Variants in CBLN2 observed in about 807,000 individuals in gnomAD.
CBLN2 encodes cerebellin 2 precursor.
CBLN2 carries 7 observed loss-of-function variants against 15.0 expected under a neutral mutation model. The observed-to-expected ratio is 0.47, with a 90% CI of 0.27 to 0.88. CBLN2 has a LOEUF of 0.88. CBLN2 is among the 40% of genes least tolerant of loss of function. CBLN2 has a pLI of 0.14. For synonymous variants in CBLN2, 149 were observed against 135.2 expected (o/e 1.10, Z -0.71); for missense variants, 242 against 304.5 (o/e 0.79, Z 1.53).
Position 72,538,283 on chromosome 18 carries a change from GCAGCACGC to G in CBLN2, c.560_567del (p.Gly187AlafsTer14). On this transcript the variant is annotated frameshift_variant, in exon 5 of 5. Transcript: ENST00000269503. LOFTEE classifies it high-confidence loss of function. ...ACTTTGTCTTCCCTTTCCATGAGCA[GCAGCACGC>G]CATTGCTAGCAGCTTCTCTGGTGAC... 1 of 1,614,136 alleles carries G rather than the reference GCAGCACGC, an allele frequency of 6.2e-7. No homozygotes were observed. The highest frequency in any genetic ancestry group is 8.5e-7 in the Non-Finnish European group (1 of 1,180,030).
chr18:72,565,722 A>G (rs1408293080), intron 1 of CBLN2, among the ~76,000 whole-genome samples: 4 of 152,268 alleles, frequency 2.6e-5, no homozygotes, highest in Non-Finnish European at 4.4e-5. Context: ...AAAGAGGATG[A>G]GAGGTTCATG....
Position 72,576,121 on chromosome 18 carries a change from G to T in CBLN2, c.16-37349C>A, listed in dbSNP as rs372092611. On this transcript the variant is annotated intron_variant, in intron 1 of 2. Transcript: ENST00000581073. ...AAAACTAACATTAAACTAAAACTCC[G>T]CAGTTTGCACATTTACAACGGCAGG... is the stretch of plus-strand genomic sequence containing the variant. Among the ~76,000 whole-genome samples the T allele has an allele frequency of 2.0e-4, 31 of 152,254 alleles. 1 individual carries two copies. In the East Asian group the frequency reaches 5.0e-3, roughly 25 times the overall value.
chr18:72,568,112 C>T (rs1198036823), intron 1 of CBLN2, among the ~76,000 whole-genome samples: 2 of 152,022 alleles, frequency 1.3e-5, no homozygotes, highest in African/African-American at 4.8e-5. Flanking sequence ...CCGCTATATC[C>T]ATTATTCATT....
Position 72,537,981 on chromosome 18 carries a change from G to T in CBLN2, c.*195C>A, listed in dbSNP as rs1050856978. On this transcript the variant is annotated 3_prime_UTR_variant, in exon 5 of 5. Coordinates refer to ENST00000269503, the MANE Select transcript of CBLN2 (RefSeq NM_182511.4). Reference sequence around the variant, plus strand: ...TCATCTAAAACTAATTAGAGGCCAGGTTCCCGAGGAATTGTCAGTATTCCA... The same window carrying T: ...TCATCTAAAACTAATTAGAGGCCAGTTTCCCGAGGAATTGTCAGTATTCCA... The T allele has an allele frequency of 8.2e-6, 5 of 606,480 alleles. No homozygotes were observed. Among genetic ancestry groups the T allele is most frequent in the East Asian group, 2.8e-5 (1 of 36,118 alleles). The allele number at this position is 606,480 out of a possible 1,614,324, so 37.6% of individuals were successfully genotyped here.
chr18:72,574,770 A>T (rs1319921252), intron 1 of CBLN2, among the ~76,000 whole-genome samples: 2 of 152,190 alleles, frequency 1.3e-5, no homozygotes, highest in African/African-American at 4.8e-5. Flanking sequence ...GGAAGAGAGG[A>T]GCAGAAAATA....
At chr18:72,539,150 A>C (rs1410624171) in intron 3 of CBLN2, 1 of 174,916 alleles carries the variant, frequency 5.7e-6, no homozygotes, top group African/African-American at 2.4e-5. Context: ...ATATGGGGGC[A>C]TCAGCATGAT....
chr18:72,626,984 G>C (rs1452098269), intron 1 of CBLN2, among the ~76,000 whole-genome samples: 1 of 152,176 alleles, frequency 6.6e-6, no homozygotes, highest in Admixed American at 6.5e-5. Context: ...CACATGCAGT[G>C]TGTACTCTTT....
intron 1 of CBLN2, among the ~76,000 whole-genome samples, chr18:72,568,627 A>G (rs1315207285): frequency 6.6e-6 from 1 of 152,166 alleles, no homozygotes. Context: ...TGTAATAAAC[A>G]TTTCTTATTA....
intron 1 of CBLN2, among the ~76,000 whole-genome samples, chr18:72,601,645 G>A (rs187826181): frequency 6.6e-5 from 10 of 152,196 alleles, no homozygotes; most frequent in African/African-American, 2.4e-4. Flanking sequence ...TGTTGGACAG[G>A]GGACAGGTCC....
At chr18:72,570,280 TG>T (rs1302157035) in intron 1 of CBLN2, among the ~76,000 whole-genome samples, 173 of 121,424 alleles carry the variant, frequency 1.4e-3, no homozygotes, top group African/African-American at 5.1e-3. Context: ...CCTTTCTTTC[TG>T]GTTTTTTTTT....
chr18:72,572,567 T>TAA (rs1381973326), intron 1 of CBLN2, among the ~76,000 whole-genome samples: 2 of 152,202 alleles, frequency 1.3e-5, no homozygotes, highest in Non-Finnish European at 1.5e-5. Flanking sequence ...AAATTGATTT[T>TAA]AACTTGAATT....
chr18:72,629,391 G>T (rs1214744085), intron 1 of CBLN2, among the ~76,000 whole-genome samples: 3 of 151,644 alleles, frequency 2.0e-5, no homozygotes, highest in Non-Finnish European at 2.9e-5. Flanking sequence ...TATAGTATTA[G>T]TATCCTTTAT....
intron 1 of CBLN2, among the ~76,000 whole-genome samples, chr18:72,578,909 T>C (rs992718973): frequency 6.6e-6 from 1 of 152,212 alleles, no homozygotes; most frequent in African/African-American, 2.4e-5. Flanking sequence ...CCTTCACCTT[T>C]CAATTCTTCT....
intron 3 of CBLN2, among the ~76,000 whole-genome samples, chr18:72,541,133 G>A (rs1378134105): frequency 6.6e-6 from 1 of 152,124 alleles, no homozygotes; most frequent in African/African-American, 2.4e-5. Context: ...GTAAGTCACT[G>A]CTCTTTTAAA....
chr18:72,557,852 C>A (rs561877861), intron 1 of CBLN2, among the ~76,000 whole-genome samples: 7 of 152,138 alleles, frequency 4.6e-5, no homozygotes, highest in Non-Finnish European at 1.5e-5. Flanking sequence ...CAAGCCACCA[C>A]GGCACATGTT....
chr18:72,634,705 G>A (rs376758495), intron 1 of CBLN2, among the ~76,000 whole-genome samples: 2 of 152,114 alleles, frequency 1.3e-5, no homozygotes, highest in East Asian at 3.8e-4. Context: ...GTGGCCAGGA[G>A]ATATTTCTAC....
At chr18:72,582,818 A>T (rs1448483285) in intron 1 of CBLN2, among the ~76,000 whole-genome samples, 1 of 152,212 alleles carries the variant, frequency 6.6e-6, no homozygotes, top group East Asian at 1.9e-4. Context: ...CTAGAGTTAG[A>T]CAGCAAACAG....
chr18:72,637,540 A>G (rs180708322), intron 1 of CBLN2, among the ~76,000 whole-genome samples: 4 of 152,358 alleles, frequency 2.6e-5, no homozygotes, highest in Admixed American at 2.6e-4. Context: ...CATGTGAATG[A>G]ACAGCTACCG....
intron 1 of CBLN2, among the ~76,000 whole-genome samples, chr18:72,555,922 T>G (rs1239246266): frequency 1.3e-5 from 2 of 152,110 alleles, no homozygotes; most frequent in East Asian, 3.9e-4. Context: ...TGGCTTCAGG[T>G]GAGGCTTGAG....
Sources: allele counts gnomAD v4.1 joint callset (sites outside exome capture counted in the v4.1 genomes callset), GRCh38; gene constraint gnomAD v4.1.1; transcripts MANE v1.5; gene names NCBI Gene and HGNC (gene_info 2026-07-23, HGNC 2026-07-21).